TNRC18: variants seen among roughly 807,000 people sequenced by gnomAD.
TNRC18 encodes the protein trinucleotide repeat-containing gene 18 protein.
TNRC18 carries 69 observed loss-of-function variants against 226.7 expected under a neutral mutation model. That is an observed-to-expected ratio of 0.30 (90% CI 0.25 to 0.37). The LOEUF (loss-of-function observed/expected upper bound fraction) is 0.37. Among genes scored for constraint, TNRC18 ranks in the 10% least tolerant of loss-of-function variants. The pLI, the probability that TNRC18 is intolerant of heterozygous loss-of-function variation, is 1.00. For missense variants in TNRC18, 4,754 were observed against 4,256.6 expected (o/e 1.12, Z -3.25); for synonymous variants, 2,449 against 1,927.6 (o/e 1.27, Z -7.09).
At chr7:5,335,425 T>C (rs958728573) in intron 18 of TNRC18, among the ~76,000 whole-genome samples, 20 of 149,540 alleles carry the variant, frequency 1.3e-4, no homozygotes, top group Admixed American at 8.0e-4. Flanking sequence ...CTGGCCAACA[T>C]GGTGAAACAC....
At chr7:5,395,978 C>G (rs1780653136) in intron 2 of TNRC18, among the ~76,000 whole-genome samples, 1 of 132,336 alleles carries the variant, frequency 7.6e-6, no homozygotes, top group African/African-American at 3.0e-5. Flanking sequence ...GCCTGGGCGA[C>G]AGAGAGAGAC....
At chr7:5,353,576 A>AAC (rs1792057979) in intron 16 of TNRC18, among the ~76,000 whole-genome samples, 1 of 150,654 alleles carries the variant, frequency 6.6e-6, no homozygotes, top group African/African-American at 2.4e-5. Flanking sequence ...AAAAAAAAAA[A>AAC]AAAAACCCAC....
At chr7:5,409,683 A>G (rs1781712717) in intron 2 of TNRC18, among the ~76,000 whole-genome samples, 1 of 151,966 alleles carries the variant, frequency 6.6e-6, no homozygotes, top group Non-Finnish European at 1.5e-5. Context: ...AAGATATAGA[A>G]AATACAAAAG....
chr7:5,336,015 T>C (rs1790074261), intron 18 of TNRC18, among the ~76,000 whole-genome samples: 1 of 151,884 alleles, frequency 6.6e-6, no homozygotes, highest in Admixed American at 6.6e-5. Context: ...GAGACCAGCC[T>C]GGCCAACATG....
intron 1 of TNRC18, 109 bp downstream of exon 1, chr7:5,423,332 G>A (rs1169650925): frequency 6.6e-6 from 1 of 150,702 alleles, no homozygotes; most frequent in Non-Finnish European, 1.5e-5. Context: ...ACAGTAGCGG[G>A]GATCCCCCCC....
chr7:5,346,688 A>G (rs1323603404), intron 17 of TNRC18, among the ~76,000 whole-genome samples: 3 of 152,082 alleles, frequency 2.0e-5, no homozygotes. Context: ...GACTCCTAGC[A>G]ACTCCCCCAT....
In TNRC18 at chr7:5,416,241, C is replaced by T. The variant is rs536769696; in HGVS notation, c.187+4819G>A. Among the ~76,000 whole-genome samples, 7 of 151,798 alleles carry T rather than the reference C, an allele frequency of 4.6e-5. No homozygotes were observed. In the South Asian group the frequency reaches 1.2e-3, roughly 27 times the overall value. ...CATCCCGGCTAACACGGTGAAACCC[C>T]GTCTGTACTAAAAGTACAAAAAAAT... is the stretch of plus-strand genomic sequence containing the variant. On this transcript the variant is annotated intron_variant, in intron 2 of 29. Transcript: ENST00000430969.
At position 5,388,967 on chromosome 7, in the gene TNRC18, C is replaced by G; in HGVS notation, c.857G>C (p.Gly286Ala). The G allele has an allele frequency of 7.2e-7, 1 of 1,390,742 alleles. No homozygotes were observed. The allele number at this position is 1,390,742 out of a possible 1,614,324, so 86.2% of individuals were successfully genotyped here. A position where few individuals can be genotyped will look rare whatever the true frequency, so the allele number is the denominator to read the frequency against. ...GGGCAGCCCCACGTCCCCGGCGCCG[C>G]CGTTGCACATGGTCAGTACCGACGG... ...LQPSVLTMCNGGAGDVGLPAL... is the reference protein window; with the variant it reads ...LQPSVLTMCNAGAGDVGLPAL... Residue 286 changes from glycine (G) to alanine (A), a missense_variant, in exon 5 of 30, where the codon GGC (glycine) becomes GCC (alanine). Physicochemically the swap from Gly to Ala is moderately conservative, Grantham distance 60. Transcript: ENST00000430969.
chr7:5,390,484 C>G lies in TNRC18; in HGVS notation c.487+1G>C. ...CCCCCAACCCCGGACTCCAGTCTTA[C>G]CTCCTCCTGGCCCCTGACCTTTCTG... is the stretch of plus-strand genomic sequence containing the variant. On this transcript the variant is annotated splice_donor_variant, in intron 4 of 29. Coordinates refer to ENST00000430969, the MANE Select transcript of TNRC18 (RefSeq NM_001080495.3). LOFTEE classifies it high-confidence loss of function. The G allele has an allele frequency of 6.2e-7, 1 of 1,613,546 alleles. No individual in the cohort carries two copies. The highest frequency in any genetic ancestry group is 8.5e-7 in the Non-Finnish European group (1 of 1,179,844).
At chr7:5,345,517 G>GCACCCCCCCCCCCCCCCC in intron 18 of TNRC18, 45 bp downstream of exon 18, 1 of 377,744 alleles carries the variant, frequency 2.6e-6, no homozygotes, top group South Asian at 4.4e-5. Flanking sequence ...AATGGCGTCC[G>GCACCCCCCCCCCCCCCCC]CCCCTCCCAC....
Position 5,388,522 on chromosome 7 carries a change from G to A in TNRC18, c.1302C>T (p.Arg434=), listed in dbSNP as rs1450681342. The change falls in exon 5 of 30, where the codon CGC becomes CGT. Residue 434 remains arginine, a synonymous_variant. Coordinates refer to ENST00000430969, the MANE Select transcript of TNRC18 (RefSeq NM_001080495.3). Reference sequence around the variant, plus strand: ...CCGCGGGGGGCGGCCGCTTGAGCGAGCGGATGACCGAGTTCTTCTCGCGCA... The same window carrying A: ...CCGCGGGGGGCGGCCGCTTGAGCGAACGGATGACCGAGTTCTTCTCGCGCA... ...EGLREKNSVI[R]SLKRPPPADA... 7 of 1,323,170 alleles carry A rather than the reference G, an allele frequency of 5.3e-6. No individual in the cohort carries two copies. The highest frequency in any genetic ancestry group is 6.7e-6 in the Non-Finnish European group (7 of 1,041,006). 82.0% of individuals were successfully genotyped at this position (1,323,170 alleles called of 1,614,324 possible). A position where few individuals can be genotyped will look rare whatever the true frequency, so the allele number is the denominator to read the frequency against.
rs938528129 is a variant in TNRC18, at chr7:5,412,294, G to A, written c.187+8766C>T. Among the ~76,000 whole-genome samples the A allele has an allele frequency of 2.7e-5, 4 of 150,716 alleles. No homozygotes were observed. The South Asian group carries it at 8.4e-4, about 32-fold the overall frequency. ...CATTAATTCCAGAAAATGAATTTTC[G>A]GCTGGGCATGGTGGCTTACGCCTGT... On this transcript the variant is annotated intron_variant, in intron 2 of 29. Transcript: ENST00000430969.
At chr7:5,347,713 T>C (rs1449156523) in intron 17 of TNRC18, among the ~76,000 whole-genome samples, 1 of 150,566 alleles carries the variant, frequency 6.6e-6, no homozygotes, top group Non-Finnish European at 1.5e-5. Flanking sequence ...TCCCAGCACT[T>C]TGGGAGGCCA....
rs775911434 is a variant in TNRC18 at position 5,370,442 on chromosome 7, C to T, written c.4152G>A (p.Leu1384=). 200 of 1,560,666 alleles carry T rather than the reference C, an allele frequency of 1.3e-4. No individual in the cohort carries two copies. Among genetic ancestry groups the T allele is most frequent in the South Asian group, 4.4e-4 (37 of 84,818 alleles). The change falls in exon 11 of 30, where the codon CTG becomes CTA. Residue 1384 remains leucine, a synonymous_variant. Coordinates refer to ENST00000430969, the MANE Select transcript of TNRC18 (RefSeq NM_001080495.3). ...AESLVLEQSF[L]HGITLLSEIA... ...TCTCACTTAGCAGGGTGATGCCATG[C>T]AGGAAGCTCTGCTCCAAGACAAGGC... is the stretch of plus-strand genomic sequence containing the variant.
chr7:5,376,565 A>T (rs1263881135), intron 8 of TNRC18, among the ~76,000 whole-genome samples: 1 of 152,092 alleles, frequency 6.6e-6, no homozygotes, highest in African/African-American at 2.4e-5. Flanking sequence ...TACAAGGTGG[A>T]TTCCTGGGGA....
In TNRC18 at chr7:5,308,004, G is replaced by T; in HGVS notation, c.*102C>A. On this transcript the variant is annotated 3_prime_UTR_variant, in exon 30 of 30. Transcript: ENST00000430969. The stretch of plus-strand genomic sequence containing the variant: ...GCCCCATGCACACGCCTGCAGGAGC[G>T]CTCGCATGCACACAACGCACGTGGT... The T allele has an allele frequency of 9.0e-7, 1 of 1,105,152 alleles. No homozygotes were observed. The highest frequency in any genetic ancestry group is 2.6e-5 in the East Asian group (1 of 38,582). 68.5% of individuals were successfully genotyped at this position (1,105,152 alleles called of 1,614,324 possible).
intron 19 of TNRC18, among the ~76,000 whole-genome samples, chr7:5,331,787 G>C (rs118015640): frequency 0.011 from 1,727 of 152,290 alleles, 17 homozygotes; most frequent in South Asian, 0.019. Context: ...GTATGCACCT[G>C]TAGTCCCAGC....
At chr7:5,363,110 A>G (rs916049930) in intron 11 of TNRC18, among the ~76,000 whole-genome samples, 1 of 151,042 alleles carries the variant, frequency 6.6e-6, no homozygotes, top group African/African-American at 2.4e-5. Context: ...CCTAGCCAAC[A>G]TGGTGAAACA....
intron 24 of TNRC18, 21 bp from the exon 25 acceptor site, chr7:5,316,093 CA>C: frequency 6.3e-7 from 1 of 1,596,478 alleles, no homozygotes; most frequent in South Asian, 1.1e-5. Context: ...AGGGGAGGCT[CA>C]GGGGAGGCCC....
Sources: gnomAD v4.1 joint callset for allele counts (sites outside exome capture counted in the v4.1 genomes callset) on GRCh38, gnomAD v4.1.1 for gene constraint, MANE v1.5 for transcripts, NCBI Gene and HGNC (gene_info 2026-07-23, HGNC 2026-07-21) for gene names.